The following MYO18B variants were observed in gnomAD, a reference collection of about 807,000 sequenced individuals.
The protein encoded by MYO18B is myosin XVIIIB, also known as unconventional myosin-XVIIIb.
A neutral mutation model predicts 273.0 loss-of-function variants in MYO18B; 204 were observed. The ratio of observed to expected loss-of-function variants is 0.75; its 90% confidence interval spans 0.67 to 0.84. The LOEUF (loss-of-function observed/expected upper bound fraction) is 0.84, where lower values mean the gene tolerates loss of function less well. Among genes scored for constraint, MYO18B ranks in the 40% least tolerant of loss-of-function variants. MYO18B has a pLI of 0.00. For missense variants in MYO18B, 3,212 were observed against 3,287.6 expected (o/e 0.98, Z 0.56); for synonymous variants, 1,330 against 1,305.7 (o/e 1.02, Z -0.40).
chr22:25,791,996 C>T (rs2087681464), intron 11 of MYO18B, among the ~76,000 whole-genome samples: 1 of 152,204 alleles, frequency 6.6e-6, no homozygotes, highest in East Asian at 1.9e-4. Flanking sequence ...TCGTTCTTCC[C>T]ACTGTCATCT....
At chr22:25,850,211 G>A (rs2090384008) in intron 20 of MYO18B, among the ~76,000 whole-genome samples, 1 of 152,170 alleles carries the variant, frequency 6.6e-6, no homozygotes, top group Admixed American at 6.5e-5. Context: ...AGTGGAGTGA[G>A]ATTTTACCAT....
chr22:25,940,776 A>G (rs1206974108), intron 34 of MYO18B, among the ~76,000 whole-genome samples: 1 of 152,184 alleles, frequency 6.6e-6, no homozygotes, highest in East Asian at 1.9e-4. Flanking sequence ...GGCCCCACCA[A>G]ATATCCCCAG....
intron 21 of MYO18B, among the ~76,000 whole-genome samples, chr22:25,866,110 T>C (rs147327146): frequency 6.6e-6 from 1 of 152,316 alleles, no homozygotes; most frequent in African/African-American, 2.4e-5. Context: ...TTTTCTGTGA[T>C]GTCTTTGACC....
intron 11 of MYO18B, 104 bp from the exon 12 acceptor site, chr22:25,797,849 A>G (rs2087990074): frequency 1.3e-6 from 2 of 1,517,978 alleles, no homozygotes; most frequent in Admixed American, 1.7e-5. Flanking sequence ...TGGCAATAAA[A>G]TGACCCCCGC....
Position 25,794,892 on chromosome 22 carries a change from C to T in MYO18B, c.2377-3061C>T, listed in dbSNP as rs374023605. 1.4e-3 allele frequency among the ~76,000 whole-genome samples: 213 copies of T among 152,282 alleles called. 9 individuals are homozygous for T. In the South Asian group the frequency reaches 0.043, roughly 31 times the overall value. On this transcript the variant is annotated intron_variant, in intron 11 of 43. Transcript: ENST00000335473. The stretch of plus-strand genomic sequence containing the variant: ...CCTTCCATGAAAGGCTCCTTTGAGC[C>T]CCCTCCCAGGCAATCTCCATCAGAG...
At chr22:25,935,594 GAGA>G (rs776094612) in intron 34 of MYO18B, among the ~76,000 whole-genome samples, 365 of 126,936 alleles carry the variant, frequency 2.9e-3, no homozygotes, top group South Asian at 0.02. Flanking sequence ...GAGAAAAGAA[GAGA>G]AAAAAAAAAA....
chr22:25,776,297 G>A (rs2145631888), intron 7 of MYO18B, among the ~76,000 whole-genome samples: 1 of 152,270 alleles, frequency 6.6e-6, no homozygotes, highest in African/African-American at 2.4e-5. Context: ...TGGTTTTCCT[G>A]GGACTAAAAC....
chr22:25,995,551 A>G (rs1376893529), intron 40 of MYO18B, among the ~76,000 whole-genome samples: 1 of 152,196 alleles, frequency 6.6e-6, no homozygotes, highest in Non-Finnish European at 1.5e-5. Flanking sequence ...AAAATTAAAA[A>G]TAAAAACATT....
At chr22:25,872,487 C>T (rs963102841) in intron 22 of MYO18B, among the ~76,000 whole-genome samples, 5 of 152,198 alleles carry the variant, frequency 3.3e-5, no homozygotes, top group Non-Finnish European at 7.3e-5. Flanking sequence ...TGAGCCAGTA[C>T]ATTCCTCATA....
chr22:25,773,768 G>T (rs111356193), intron 7 of MYO18B, among the ~76,000 whole-genome samples: 2,240 of 152,240 alleles, frequency 0.015, 50 homozygotes, highest in African/African-American at 0.05. Flanking sequence ...TGGCCGATTT[G>T]TATCTATTTT....
At chr22:25,854,689 CT>C (rs1409868679) in intron 21 of MYO18B, among the ~76,000 whole-genome samples, 2 of 152,218 alleles carry the variant, frequency 1.3e-5, no homozygotes, top group African/African-American at 4.8e-5. Flanking sequence ...CCCTCAGGCT[CT>C]GGCCATCATC....
Position 25,851,506 on chromosome 22 carries a change from G to A in MYO18B, c.3812G>A (p.Arg1271Gln), listed in dbSNP as rs563587416. 1.2e-5 allele frequency: 18 copies of A among 1,559,786 alleles called. No homozygotes were observed. The East Asian group carries it at 1.2e-4, about 10-fold the overall frequency. ...CACATGGGGCTCACTCGCTTCCGCC[G>A]GCAATTCCAGGTGCTGGACGCTCCA... The part of the protein sequence containing the change: ...ADHMGLTRFR[R>Q]QFQVLDAPLL... The change falls in exon 21 of 44, where the codon CGG becomes CAG. Residue 1271 changes from arginine (R) to glutamine (Q), a missense_variant. By Grantham distance (43) the Arg-to-Gln change is conservative (BLOSUM62 1). Transcript: ENST00000335473.
intron 12 of MYO18B, among the ~76,000 whole-genome samples, chr22:25,812,873 G>C (rs768590985): frequency 1.3e-5 from 2 of 152,190 alleles, no homozygotes; most frequent in African/African-American, 4.8e-5. Context: ...CACCCAATGA[G>C]GCTACAGGGG....
In MYO18B at chr22:25,947,487, T is replaced by TACACACACAGAC. The variant is rs71311532; in HGVS notation, c.5632-216_5632-215insGACACACACACA. On this transcript the variant is annotated intron_variant, in intron 35 of 43. Transcript: ENST00000335473. ...ATTCATAGTCACATGTAATGCCTAA[T>TACACACACAGAC]ACACACACACACACACACACACACA... Among the ~76,000 whole-genome samples the TACACACACAGAC allele has an allele frequency of 1.2e-4, 13 of 110,616 alleles. 1 individual carries two copies. The highest frequency in any genetic ancestry group is 4.5e-4 in the African/African-American group (13 of 28,852). 72.6% of individuals were successfully genotyped at this position (110,616 alleles called of 152,430 possible).
chr22:25,782,541 C>T (rs915144852), intron 10 of MYO18B, among the ~76,000 whole-genome samples: 3 of 152,196 alleles, frequency 2.0e-5, no homozygotes, highest in Non-Finnish European at 2.9e-5. Context: ...GCATGTGGCT[C>T]ATGTGGCTTC....
intron 10 of MYO18B, among the ~76,000 whole-genome samples, chr22:25,784,011 T>A (rs1023120442): frequency 6.6e-6 from 1 of 152,252 alleles, no homozygotes; most frequent in African/African-American, 2.4e-5. Context: ...CTTTCTCCCA[T>A]GCACTCATGT....
chr22:25,961,188 C>T (rs529019842), intron 39 of MYO18B, among the ~76,000 whole-genome samples: 1 of 150,700 alleles, frequency 6.6e-6, no homozygotes, highest in Non-Finnish European at 1.5e-5. Flanking sequence ...CACCCCTGCA[C>T]TCCAGCCTGG....
chr22:25,837,460 C>A (rs1228071215), intron 17 of MYO18B, among the ~76,000 whole-genome samples: 1 of 152,166 alleles, frequency 6.6e-6, no homozygotes, highest in Non-Finnish European at 1.5e-5. Flanking sequence ...GGGGAATGAC[C>A]ATTGGATTTG....
rs751707031 is a variant in MYO18B, at chr22:26,027,151, G to A, written c.7177G>A (p.Asp2393Asn). Residue 2393 changes from aspartate to asparagine, a missense_variant, in exon 43 of 44, where the codon GAT (aspartate) becomes AAT (asparagine). Asp to Asn is a conservative substitution (Grantham distance 23). Transcript: ENST00000335473. The surrounding 1 kb of genome is among the most constrained non-coding windows in gnomAD (Gnocchi z 4.1). Reference sequence around the variant, plus strand: ...GCGGTGTCTGGAGTCCTCTGTGGACGATGCGGGCTGTCCAGACCTTGGAAA... The same window carrying A: ...GCGGTGTCTGGAGTCCTCTGTGGACAATGCGGGCTGTCCAGACCTTGGAAA... ...RRRCLESSVD[D>N]AGCPDLGKEP... 28 of 1,613,856 alleles carry A rather than the reference G, an allele frequency of 1.7e-5. No homozygotes were observed. Among genetic ancestry groups the A allele is most frequent in the South Asian group, 2.2e-5 (2 of 91,084 alleles).
Sources: gnomAD v4.1 joint callset for allele counts (sites outside exome capture counted in the v4.1 genomes callset) on GRCh38, gnomAD v4.1.1 for gene constraint, Gnocchi (gnomAD v3.1) non-coding constraint, MANE v1.5 for transcripts, NCBI Gene and HGNC (gene_info 2026-07-23, HGNC 2026-07-21) for gene names.